Variants in DIP2A observed in about 807,000 individuals in gnomAD.
DIP2A encodes DIP2 acetate--CoA ligase A, also known as disco-interacting protein 2 homolog A.
DIP2A carries 85 observed loss-of-function variants against 177.4 expected under a neutral mutation model. The ratio of observed to expected loss-of-function variants is 0.48; its 90% CI spans 0.40 to 0.57. DIP2A has a LOEUF of 0.57. DIP2A is among the 20% of genes least tolerant of loss of function. The probability of loss-of-function intolerance (pLI) is 0.00; values close to 1 mark genes in which losing one functional copy is unlikely to be tolerated. For synonymous variants in DIP2A, 886 were observed against 881.8 expected, an observed-to-expected ratio of 1.00 and a Z score of -0.08; for missense variants, 1,791 against 2,100.2, an observed-to-expected ratio of 0.85 and a Z score of 2.88.
chr21:46,481,813 G>A (rs1438864780), intron 1 of DIP2A, among the ~76,000 whole-genome samples: 1 of 152,212 alleles, frequency 6.6e-6, no homozygotes, highest in Non-Finnish European at 1.5e-5. Context: ...CACTTTGGGA[G>A]GCTGAGACGG....
At position 46,472,832 on chromosome 21, in the gene DIP2A, A is replaced by G. The variant is rs573070539; in HGVS notation, c.92-11925A>G. Among the ~76,000 whole-genome samples the G allele has an allele frequency of 2.0e-5, 3 of 152,228 alleles. No individual in the cohort carries two copies. The South Asian group carries it at 6.2e-4, about 32-fold the overall frequency. On this transcript the variant is annotated intron_variant, in intron 1 of 37. Coordinates refer to ENST00000417564, the MANE Select transcript of DIP2A (RefSeq NM_015151.4). ...GTTGTGGATGTGTGAGGTGACCAAG[A>G]GTAAGGCAGGAGGGGTGCTGGTACC...
chr21:46,465,412 A>T (rs904830573), intron 1 of DIP2A, among the ~76,000 whole-genome samples: 16 of 134,200 alleles, frequency 1.2e-4, no homozygotes, highest in Admixed American at 7.1e-5. Flanking sequence ...TACTAAATAT[A>T]ACAAAAAAAA....
Position 46,488,882 on chromosome 21 carries a change from G to T in DIP2A, c.164-1718G>T, listed in dbSNP as rs542083277. Among the ~76,000 whole-genome samples, 8 of 152,240 alleles carry T rather than the reference G, an allele frequency of 5.3e-5. No individual in the cohort carries two copies. The South Asian group carries it at 1.7e-3, about 32-fold the overall frequency. ...ATGAATCTATCTCAAAGAATAAAAGGATGCATATTTTGGAATACAAGTGTA... is the reference window on the plus strand; with the variant it reads ...ATGAATCTATCTCAAAGAATAAAAGTATGCATATTTTGGAATACAAGTGTA... On this transcript the variant is annotated intron_variant, in intron 2 of 37. Transcript: ENST00000417564.
chr21:46,550,826 G>A (rs1167324950), intron 23 of DIP2A, 82 bp downstream of exon 23: 21 of 1,398,504 alleles, frequency 1.5e-5, no homozygotes, highest in Non-Finnish European at 1.9e-5. Flanking sequence ...GGCCCTGCTA[G>A]ACCTCCAGTG....
At chr21:46,472,836 A>C (rs1469359118) in intron 1 of DIP2A, among the ~76,000 whole-genome samples, 1 of 152,172 alleles carries the variant, frequency 6.6e-6, no homozygotes, top group Non-Finnish European at 1.5e-5. Flanking sequence ...ACCAAGAGTA[A>C]GGCAGGAGGG....
chr21:46,520,115 A>G (rs1227572441), intron 8 of DIP2A, among the ~76,000 whole-genome samples: 2 of 151,840 alleles, frequency 1.3e-5, no homozygotes, highest in African/African-American at 4.8e-5. Flanking sequence ...ACCTTGTGAT[A>G]CACCCATCTC....
intron 6 of DIP2A, among the ~76,000 whole-genome samples, chr21:46,506,954 C>T (rs754817530): frequency 8.6e-5 from 13 of 151,714 alleles, no homozygotes; most frequent in Non-Finnish European, 1.6e-4. Context: ...GCATGTGCCA[C>T]GATGCCTGGC....
chr21:46,459,960 G>A (rs946730811), intron 1 of DIP2A, among the ~76,000 whole-genome samples: 1 of 152,088 alleles, frequency 6.6e-6, no homozygotes, highest in South Asian at 2.1e-4. Flanking sequence ...CTTGGTCTGG[G>A]CTTCACCAGG....
chr21:46,544,137 G>A (rs945343030), intron 18 of DIP2A, among the ~76,000 whole-genome samples: 1 of 152,124 alleles, frequency 6.6e-6, no homozygotes, highest in Non-Finnish European at 1.5e-5. Context: ...CCTTTCTGTG[G>A]CAGAGCTGAG....
intron 8 of DIP2A, among the ~76,000 whole-genome samples, chr21:46,512,929 G>A (rs1327075413): frequency 6.6e-6 from 1 of 152,096 alleles, no homozygotes; most frequent in Non-Finnish European, 1.5e-5. Context: ...CAAAGTGCTG[G>A]GATTACAAGT....
intron 8 of DIP2A, among the ~76,000 whole-genome samples, chr21:46,528,023 A>AGGGGTGT (rs1172616241): frequency 6.6e-6 from 1 of 151,854 alleles, no homozygotes; most frequent in Non-Finnish European, 1.5e-5. Flanking sequence ...CTGCGCCAGG[A>AGGGGTGT]GGGGTGTGTG....
Position 46,516,488 on chromosome 21 carries a change from C to CTTTTTTTTT in DIP2A, c.1102+4887_1102+4895dup, listed in dbSNP as rs1158910021. ...TCTTTAATCTTGTCTTCTGAAATTTCTTTTTTTTTTTTTTTTTTTTTGAGA... is the reference window on the plus strand; with the variant it reads ...TCTTTAATCTTGTCTTCTGAAATTTCTTTTTTTTTTTTTTTTTTTTTTTTTTTTTTGAGA... On this transcript the variant is annotated intron_variant, in intron 8 of 37. Transcript: ENST00000417564. Among the ~76,000 whole-genome samples the CTTTTTTTTT allele has an allele frequency of 4.2e-4, 32 of 76,380 alleles. 3 individuals carry two copies. The highest frequency in any genetic ancestry group is 5.8e-4 in the African/African-American group (13 of 22,520). The allele number at this position is 76,380 out of a possible 152,430, so 50.1% of individuals were successfully genotyped here. A position where few individuals can be genotyped will look rare whatever the true frequency, so the allele number is the denominator to read the frequency against.
the DIP2A span, among the ~76,000 whole-genome samples, chr21:46,577,481 C>T: frequency 6.6e-6 from 1 of 152,136 alleles, no homozygotes; most frequent in Non-Finnish European, 1.5e-5. Context: ...TCCTGTTCCA[C>T]CGGTCTATGT....
At chr21:46,468,671 T>G (rs1012001979) in intron 1 of DIP2A, among the ~76,000 whole-genome samples, 2 of 152,262 alleles carry the variant, frequency 1.3e-5, no homozygotes, top group African/African-American at 2.4e-5. Context: ...ATTTAAAAAT[T>G]TGTTAAGAGA....
At chr21:46,497,499 C>T (rs2057421836) in intron 4 of DIP2A, among the ~76,000 whole-genome samples, 1 of 152,100 alleles carries the variant, frequency 6.6e-6, no homozygotes, top group Non-Finnish European at 1.5e-5. Context: ...AGGTTGTAAC[C>T]AGGACTTATA....
intron 1 of DIP2A, among the ~76,000 whole-genome samples, chr21:46,470,701 A>G (rs886250306): frequency 2.2e-4 from 33 of 150,990 alleles, no homozygotes; most frequent in Non-Finnish European, 3.7e-4. Flanking sequence ...AACCTGGGAA[A>G]TGGAGTGAGC....
intron 1 of DIP2A, among the ~76,000 whole-genome samples, chr21:46,475,898 A>T (rs1430120849): frequency 6.6e-6 from 1 of 152,140 alleles, no homozygotes; most frequent in African/African-American, 2.4e-5. Flanking sequence ...ATCTTTATAA[A>T]TCCTTCTGAA....
At chr21:46,509,425 C>T in intron 7 of DIP2A, 49 bp downstream of exon 7, 1 of 1,562,958 alleles carries the variant, frequency 6.4e-7, no homozygotes, top group Non-Finnish European at 8.7e-7. Flanking sequence ...AAAAGGGTGG[C>T]CACGAAGTTG....
intron 8 of DIP2A, among the ~76,000 whole-genome samples, chr21:46,515,774 G>T (rs1369532235): frequency 6.6e-6 from 1 of 152,126 alleles, no homozygotes; most frequent in Admixed American, 6.5e-5. Flanking sequence ...CTGAGCTCAA[G>T]CAGTCTGCCG....
Sources: allele counts gnomAD v4.1 joint callset (sites outside exome capture counted in the v4.1 genomes callset), GRCh38; gene constraint gnomAD v4.1.1; transcripts MANE v1.5; gene names NCBI Gene and HGNC (gene_info 2026-07-23, HGNC 2026-07-21).